GPHN: variants seen among roughly 807,000 people sequenced by gnomAD.
GPHN encodes the protein gephyrin.
Under a neutral mutation model 95.5 loss-of-function variants are expected in GPHN, and 17 were observed. The ratio of observed to expected loss-of-function variants is 0.18; its 90% CI spans 0.12 to 0.27. The LOEUF (loss-of-function observed/expected upper bound fraction) is 0.27. Ranked by LOEUF, GPHN falls within the 10% of genes least tolerant of loss-of-function variation. GPHN has a pLI of 1.00. For missense variants in GPHN, 660 were observed against 978.1 expected, an observed-to-expected ratio of 0.67 and a Z score of 4.34; for synonymous variants, 320 against 322.5, an observed-to-expected ratio of 0.99 and a Z score of 0.08.
intron 9 of GPHN, among the ~76,000 whole-genome samples, chr14:66,986,275 G>A (rs2071023668): frequency 6.6e-6 from 1 of 151,756 alleles, no homozygotes; most frequent in Non-Finnish European, 1.5e-5. Flanking sequence ...TAGTATAATG[G>A]GCCCACATAT....
intron 1 of GPHN, among the ~76,000 whole-genome samples, chr14:66,662,663 A>G (rs2065728353): frequency 6.6e-6 from 1 of 152,214 alleles, no homozygotes; most frequent in African/African-American, 2.4e-5. Context: ...GAATGTGGAT[A>G]AAATTGATGT....
At chr14:66,970,085 G>GTTTTTTTTTTTTT (rs76967963) in intron 9 of GPHN, among the ~76,000 whole-genome samples, 1 of 99,042 alleles carries the variant, frequency 1.0e-5, no homozygotes, top group Non-Finnish European at 2.2e-5. Context: ...AGCAAGTTGT[G>GTTTTTTTTTTTTT]TTTTTTTTTT....
intron 3 of GPHN, among the ~76,000 whole-genome samples, chr14:66,794,329 G>GT (rs1420757983): frequency 6.6e-6 from 1 of 152,118 alleles, no homozygotes; most frequent in African/African-American, 2.4e-5. Flanking sequence ...CTCTGGCCAT[G>GT]TAAGACGTGT....
chr14:66,801,205 A>G (rs933356627), intron 3 of GPHN, among the ~76,000 whole-genome samples: 1 of 151,636 alleles, frequency 6.6e-6, no homozygotes, highest in South Asian at 2.1e-4. Flanking sequence ...CTGGTGCCTT[A>G]TTTAGTTCAT....
the GPHN span, among the ~76,000 whole-genome samples, chr14:67,253,309 G>C: frequency 1.3e-5 from 2 of 152,168 alleles, no homozygotes; most frequent in East Asian, 1.9e-4. Flanking sequence ...TGTGTGACTT[G>C]GTTGTTATAG....
At chr14:66,955,219 G>A (rs1018599280) in intron 8 of GPHN, among the ~76,000 whole-genome samples, 5 of 152,232 alleles carry the variant, frequency 3.3e-5, no homozygotes, top group African/African-American at 1.2e-4. Flanking sequence ...GAATTCCCTA[G>A]TGAGGCCATC....
intron 1 of GPHN, among the ~76,000 whole-genome samples, chr14:66,624,178 A>G (rs1388247426): frequency 6.6e-6 from 1 of 152,212 alleles, no homozygotes; most frequent in African/African-American, 2.4e-5. Context: ...GTACCATTTC[A>G]TAATTTCTGG....
chr14:66,730,775 C>T (rs1165341362), intron 2 of GPHN, among the ~76,000 whole-genome samples: 1 of 152,180 alleles, frequency 6.6e-6, no homozygotes, highest in Non-Finnish European at 1.5e-5. Flanking sequence ...GAACATACTA[C>T]ATATTTTAAG....
rs954340171 is a variant in GPHN, at chr14:66,831,274, T to TA, written c.294+6709dup. On this transcript the variant is annotated intron_variant, in intron 4 of 22. Coordinates refer to ENST00000478722, the MANE Select transcript of GPHN (RefSeq NM_020806.5). ...TGATTTTGTTTTGAGTAAAATAAAA[T>TA]ACCTGTTATACATGGTAAGGCTAAA... Among the ~76,000 whole-genome samples the TA allele has an allele frequency of 1.8e-4, 27 of 152,276 alleles. 1 individual carries two copies. Among genetic ancestry groups the TA allele is most frequent in the Admixed American group, 1.6e-3 (25 of 15,286 alleles).
At chr14:67,575,479 C>T in the GPHN span, 5 of 1,556,666 alleles carry the variant, frequency 3.2e-6, no homozygotes, top group East Asian at 9.1e-5. Flanking sequence ...CAAGGTACTT[C>T]TCAGCCTCCT....
intron 2 of GPHN, among the ~76,000 whole-genome samples, chr14:66,755,228 T>C (rs1354864139): frequency 6.6e-6 from 1 of 152,086 alleles, no homozygotes; most frequent in Non-Finnish European, 1.5e-5. Flanking sequence ...CATTCAATGG[T>C]GTTTTCTTGT....
chr14:66,812,976 A>G (rs909395932), intron 3 of GPHN, among the ~76,000 whole-genome samples: 2 of 152,194 alleles, frequency 1.3e-5, no homozygotes, highest in African/African-American at 4.8e-5. Context: ...AGCATTTTTT[A>G]TGGGTTATAC....
At chr14:67,139,876 T>A (rs41477648) in intron 17 of GPHN, among the ~76,000 whole-genome samples, 8,309 of 152,088 alleles carry the variant, frequency 0.055, 252 homozygotes, top group Middle Eastern at 0.068. Context: ...AAGATAACAT[T>A]TACAACTTTG....
intron 1 of GPHN, among the ~76,000 whole-genome samples, chr14:66,569,127 A>T (rs894428323): frequency 6.6e-6 from 1 of 152,196 alleles, no homozygotes; most frequent in African/African-American, 2.4e-5. Context: ...TTCTGTTTAT[A>T]GTTACAGACC....
the GPHN span, chr14:67,447,672 G>A: frequency 2.6e-5 from 4 of 152,068 alleles, no homozygotes; most frequent in Non-Finnish European, 5.9e-5. Context: ...TTCTGTGAGT[G>A]GCAAAAAAAT....
intron 8 of GPHN, among the ~76,000 whole-genome samples, chr14:66,926,879 G>A (rs1050309598): frequency 5.3e-5 from 8 of 152,068 alleles, no homozygotes; most frequent in East Asian, 1.9e-4. Context: ...CCATGAATAC[G>A]GAATGTCTTT....
intron 11 of GPHN, among the ~76,000 whole-genome samples, chr14:67,063,247 G>A (rs1159215007): frequency 6.6e-6 from 1 of 152,032 alleles, no homozygotes. Flanking sequence ...GTTGTAGATG[G>A]GTGGTGTTAT....
intron 8 of GPHN, among the ~76,000 whole-genome samples, chr14:66,949,536 C>T (rs1212619617): frequency 6.6e-6 from 1 of 152,110 alleles, no homozygotes; most frequent in East Asian, 1.9e-4. Flanking sequence ...TGGACTTGGC[C>T]ACCAAGCTGG....
intron 1 of GPHN, among the ~76,000 whole-genome samples, chr14:66,554,287 A>G (rs755034110): frequency 6.6e-6 from 1 of 152,222 alleles, no homozygotes; most frequent in African/African-American, 2.4e-5. Flanking sequence ...TGTGGCTTCA[A>G]TAAAGTCTTA....
Sources: gnomAD v4.1 joint callset for allele counts (sites outside exome capture counted in the v4.1 genomes callset) on GRCh38, gnomAD v4.1.1 for gene constraint, MANE v1.5 for transcripts, NCBI Gene and HGNC (gene_info 2026-07-23, HGNC 2026-07-21) for gene names.